The following RMDN2 variants were observed in gnomAD, a reference collection of about 807,000 sequenced individuals.
RMDN2 encodes regulator of microtubule dynamics 2, also known as regulator of microtubule dynamics protein 2.
A neutral mutation model predicts 52.8 loss-of-function variants in RMDN2; 61 were observed. That is an observed-to-expected ratio of 1.16 (90% confidence interval 0.94 to 1.43). The LOEUF (loss-of-function observed/expected upper bound fraction) is 1.43, where lower values mean the gene tolerates loss of function less well. Ranked by LOEUF, RMDN2 falls within the 40% of genes most tolerant of loss-of-function variation. The probability of loss-of-function intolerance (pLI) is 0.00; values close to 1 mark genes in which losing one functional copy is unlikely to be tolerated. For synonymous variants in RMDN2, 180 were observed against 153.1 expected (o/e 1.18, Z -1.30); for missense variants, 592 against 475.3 (o/e 1.25, Z -2.28).
In RMDN2 at chr2:38,017,269, A is replaced by T; in HGVS notation, c.*30A>T. On this transcript the variant is annotated 3_prime_UTR_variant, in exon 11 of 11. Transcript: ENST00000354545. ...ACGAATTTACTCTTCAACAAATCAG[A>T]TGTGGTCTACCAAAATTTAAATGAA... is the stretch of plus-strand genomic sequence containing the variant. 6.7e-7 allele frequency: 1 copy of T among 1,496,536 alleles called. No individual in the cohort carries two copies. Among genetic ancestry groups the T allele is most frequent in the Non-Finnish European group, 8.9e-7 (1 of 1,121,578 alleles). The allele number at this position is 1,496,536 out of a possible 1,614,324, so 92.7% of individuals were successfully genotyped here.
At chr2:38,061,565 C>A (rs1398626318) in intron 10 of RMDN2, among the ~76,000 whole-genome samples, 1 of 151,764 alleles carries the variant, frequency 6.6e-6, no homozygotes, top group Non-Finnish European at 1.5e-5. Flanking sequence ...AATGCCCACC[C>A]CTTGGTGTTG....
intron 1 of RMDN2, among the ~76,000 whole-genome samples, chr2:37,927,172 G>A (rs1164382284): frequency 6.6e-6 from 1 of 152,006 alleles, no homozygotes; most frequent in Admixed American, 6.5e-5. Flanking sequence ...AATTTTTGTG[G>A]TTCTGAAATA....
intron 10 of RMDN2, among the ~76,000 whole-genome samples, chr2:38,035,633 G>A (rs1680522796): frequency 6.6e-6 from 1 of 152,150 alleles, no homozygotes; most frequent in Non-Finnish European, 1.5e-5. Context: ...ACATAAAAAT[G>A]TATATGATAA....
chr2:38,025,301 A>G (rs1041635597), intron 10 of RMDN2, among the ~76,000 whole-genome samples: 9 of 151,994 alleles, frequency 5.9e-5, no homozygotes, highest in Non-Finnish European at 1.2e-4. Context: ...TTTTTATTGT[A>G]TATAGAAATG....
At chr2:38,048,656 C>G (rs1681414387) in intron 10 of RMDN2, among the ~76,000 whole-genome samples, 1 of 152,186 alleles carries the variant, frequency 6.6e-6, no homozygotes, top group Non-Finnish European at 1.5e-5. Flanking sequence ...GGAAAATGAC[C>G]TCCGACAAAC....
chr2:37,954,498 C>T (rs1029944881), intron 2 of RMDN2, among the ~76,000 whole-genome samples: 1 of 152,002 alleles, frequency 6.6e-6, no homozygotes, highest in Non-Finnish European at 1.5e-5. Flanking sequence ...TGTCAAAAGT[C>T]ATGTGATCAT....
At chr2:37,937,145 C>T (rs1667366772) in intron 2 of RMDN2, among the ~76,000 whole-genome samples, 1 of 152,100 alleles carries the variant, frequency 6.6e-6, no homozygotes, top group South Asian at 2.1e-4. Flanking sequence ...TTCCCAACAC[C>T]ATTTATTAAA....
chr2:37,980,292 A>T (rs1388625912), intron 4 of RMDN2, among the ~76,000 whole-genome samples: 1 of 151,986 alleles, frequency 6.6e-6, no homozygotes, highest in Non-Finnish European at 1.5e-5. Flanking sequence ...CTCTATCCAA[A>T]TTATTATTAT....
At chr2:38,005,805 A>G (rs1180578932) in intron 10 of RMDN2, among the ~76,000 whole-genome samples, 2 of 152,170 alleles carry the variant, frequency 1.3e-5, no homozygotes, top group African/African-American at 2.4e-5. Context: ...GGTAGTGCCT[A>G]AGTTTTCTCC....
At chr2:38,046,696 G>C (rs1013402641) in intron 10 of RMDN2, among the ~76,000 whole-genome samples, 2 of 152,060 alleles carry the variant, frequency 1.3e-5, no homozygotes, top group African/African-American at 2.4e-5. Flanking sequence ...AAAAAAATAA[G>C]AATCCAGGCC....
At chr2:37,943,741 A>G (rs1308163272) in intron 2 of RMDN2, among the ~76,000 whole-genome samples, 3 of 152,192 alleles carry the variant, frequency 2.0e-5, no homozygotes, top group African/African-American at 4.8e-5. Flanking sequence ...GTTAAACTGC[A>G]GTTAAACTCC....
At chr2:37,944,117 C>T (rs767025086) in intron 2 of RMDN2, among the ~76,000 whole-genome samples, 12 of 152,058 alleles carry the variant, frequency 7.9e-5, no homozygotes, top group African/African-American at 1.4e-4. Context: ...TTTGCCAAGC[C>T]GAAAACTTGG....
At chr2:38,038,243 G>A (rs1311709359) in intron 10 of RMDN2, among the ~76,000 whole-genome samples, 1 of 152,168 alleles carries the variant, frequency 6.6e-6, no homozygotes, top group Non-Finnish European at 1.5e-5. Flanking sequence ...CTCCTGGAGG[G>A]AGCGCAGCGC....
intron 8 of RMDN2, among the ~76,000 whole-genome samples, chr2:38,001,915 G>A (rs1324960111): frequency 2.0e-5 from 3 of 152,192 alleles, no homozygotes; most frequent in Non-Finnish European, 4.4e-5. Context: ...TGCCACTGTA[G>A]GATGGTCAAG....
At chr2:37,946,001 A>G (rs1276254690) in intron 2 of RMDN2, among the ~76,000 whole-genome samples, 1 of 152,192 alleles carries the variant, frequency 6.6e-6, no homozygotes, top group African/African-American at 2.4e-5. Flanking sequence ...CCTCAATTCC[A>G]TTTGAATACC....
chr2:38,059,776 A>G (rs1294806570), intron 10 of RMDN2, among the ~76,000 whole-genome samples: 1 of 152,194 alleles, frequency 6.6e-6, no homozygotes, highest in African/African-American at 2.4e-5. Flanking sequence ...GGTCTGTATG[A>G]TGACCTAAAC....
chr2:38,006,759 G>A (rs1677152300), intron 10 of RMDN2, among the ~76,000 whole-genome samples: 1 of 152,170 alleles, frequency 6.6e-6, no homozygotes, highest in Non-Finnish European at 1.5e-5. Context: ...GGAGTGGTGA[G>A]AGAGGGCATC....
In RMDN2 at chr2:37,974,126, A is replaced by T. The variant is rs373968213; in HGVS notation, c.539A>T (p.Asp180Val). The T allele has an allele frequency of 3.1e-6, 5 of 1,612,750 alleles. No individual in the cohort carries two copies. The highest frequency in any genetic ancestry group is 4.2e-6 in the Non-Finnish European group (5 of 1,178,934). Residue 180 changes from aspartate (D) to valine (V), a missense_variant, in exon 3 of 11, where the codon GAT becomes GTT. Asp to Val is a radical substitution (Grantham distance 152). Transcript: ENST00000354545. ...FNTRVEELNL[D>V]VLLQKVDHLR... ...ACACGTGTAGAGGAATTAAATTTAG[A>T]TGTCCTTCTTCAGAAGGTAGATCAT... is the stretch of plus-strand genomic sequence containing the variant.
chr2:37,951,914 T>A lies in RMDN2; in HGVS notation c.453-22126T>A, dbSNP rs77881371. The A allele has an allele frequency of 1.4e-3, 2,247 of 1,613,362 alleles. 26 individuals carry two copies. In the African/African-American group the frequency reaches 0.024, roughly 17 times the overall value. On this transcript the variant is annotated intron_variant, in intron 2 of 10. Coordinates refer to ENST00000354545, the MANE Select transcript of RMDN2 (RefSeq NM_001170791.3). ...CCGATCAACAAAATGGAATTGCCAA[T>A]GATATTCAACAAAGGGGCCAATTAT...
Sources: allele counts gnomAD v4.1 joint callset (sites outside exome capture counted in the v4.1 genomes callset), GRCh38; gene constraint gnomAD v4.1.1; transcripts MANE v1.5; gene names NCBI Gene and HGNC (gene_info 2026-07-23, HGNC 2026-07-21).